ELOVL5: variants seen among roughly 807,000 people sequenced by gnomAD.
ELOVL5 encodes the protein ELOVL fatty acid elongase 5.
A neutral mutation model predicts 38.6 loss-of-function variants in ELOVL5; 8 were observed. The observed-to-expected ratio is 0.21, with a 90% CI of 0.12 to 0.37. The LOEUF is 0.37. ELOVL5 is among the 10% of genes least tolerant of loss of function. The probability of loss-of-function intolerance (pLI) is 1.00; values close to 1 mark genes in which losing one functional copy is unlikely to be tolerated. For missense variants in ELOVL5, 280 were observed against 367.8 expected (o/e 0.76, Z 1.95); for synonymous variants, 127 against 133.7 (o/e 0.95, Z 0.34).
intron 1 of ELOVL5, among the ~76,000 whole-genome samples, chr6:53,338,014 T>A (rs1420563993): frequency 1.3e-5 from 2 of 151,704 alleles, no homozygotes; most frequent in Non-Finnish European, 2.9e-5. Context: ...ACAGGGGAGG[T>A]ATGTGGGGCA....
rs541252877 is a variant in ELOVL5 at position 53,287,526 on chromosome 6, G to C, written c.246+4250C>G. 4.6e-5 allele frequency among the ~76,000 whole-genome samples: 7 copies of C among 152,262 alleles called. No individual in the cohort carries two copies. The East Asian group carries it at 1.4e-3, about 29-fold the overall frequency. ...TGAAAGGAATGCATCATAGTCCGTG[G>C]GAACAATGGGATAGCCAAAGAGGCT... On this transcript the variant is annotated intron_variant, in intron 3 of 7. Coordinates refer to ENST00000304434, the MANE Select transcript of ELOVL5 (RefSeq NM_021814.5).
chr6:53,299,829 C>A (rs1452918875), intron 1 of ELOVL5, among the ~76,000 whole-genome samples: 2 of 152,182 alleles, frequency 1.3e-5, no homozygotes, highest in Admixed American at 1.3e-4. Context: ...TACATCTGTT[C>A]TTAGACTGCA....
At chr6:53,291,509 CTTTAATT>C (rs1766773388) in intron 3 of ELOVL5, among the ~76,000 whole-genome samples, 1 of 152,156 alleles carries the variant, frequency 6.6e-6, no homozygotes, top group Non-Finnish European at 1.5e-5. Context: ...TCTGAAAATA[CTTTAATT>C]TTGAATATCA....
intron 1 of ELOVL5, among the ~76,000 whole-genome samples, chr6:53,298,816 T>G (rs764626628): frequency 7.3e-6 from 1 of 137,686 alleles, no homozygotes; most frequent in African/African-American, 2.8e-5. Flanking sequence ...ATCAGTGAGC[T>G]CCAATCATTC....
chr6:53,285,128 G>A (rs1007451670), intron 3 of ELOVL5, among the ~76,000 whole-genome samples: 18 of 152,198 alleles, frequency 1.2e-4, no homozygotes, highest in African/African-American at 4.1e-4. Context: ...AGGAAGGCAG[G>A]TGGAAAGCTG....
intron 3 of ELOVL5, among the ~76,000 whole-genome samples, chr6:53,284,791 C>A (rs1329535860): frequency 7.8e-6 from 1 of 127,592 alleles, no homozygotes; most frequent in Non-Finnish European, 1.6e-5. Flanking sequence ...CAAAATATTT[C>A]AAATTTTTTC....
intron 1 of ELOVL5, among the ~76,000 whole-genome samples, chr6:53,326,792 C>T (rs1392066221): frequency 6.6e-6 from 1 of 152,198 alleles, no homozygotes; most frequent in African/African-American, 2.4e-5. Context: ...TACGGTGACT[C>T]AGCCATACCG....
chr6:53,295,211 G>C (rs145526101), intron 2 of ELOVL5, among the ~76,000 whole-genome samples: 1 of 152,300 alleles, frequency 6.6e-6, no homozygotes, highest in East Asian at 1.9e-4. Context: ...GATACAGCAA[G>C]TAAGGTTCAG....
chr6:53,313,604 C>T (rs1767925834), intron 1 of ELOVL5, among the ~76,000 whole-genome samples: 1 of 152,138 alleles, frequency 6.6e-6, no homozygotes, highest in East Asian at 1.9e-4. Context: ...TCAAGCAATC[C>T]TCTCGCCTCA....
chr6:53,291,728 T>C lies in ELOVL5; in HGVS notation c.246+48A>G, dbSNP rs1436540419. On this transcript the variant is annotated intron_variant, in intron 3 of 7. Transcript: ENST00000304434. ...TTAGGAATACAATTTAGGACAGCAATATGAGTGCATTTATGTGAAAGGAAG... is the reference window on the plus strand; with the variant it reads ...TTAGGAATACAATTTAGGACAGCAACATGAGTGCATTTATGTGAAAGGAAG... The C allele has an allele frequency of 3.4e-6, 5 of 1,475,176 alleles. No homozygotes were observed. The African/African-American group carries it at 4.2e-5, about 12-fold the overall frequency. 91.4% of individuals were successfully genotyped at this position (1,475,176 alleles called of 1,614,324 possible).
At chr6:53,338,296 T>A (rs9349664) in intron 1 of ELOVL5, among the ~76,000 whole-genome samples, 55,522 of 152,086 alleles carry the variant, frequency 0.37, 11,298 homozygotes, top group African/African-American at 0.56. Flanking sequence ...TACTGTCACT[T>A]GTCACATCCA....
intron 1 of ELOVL5, among the ~76,000 whole-genome samples, chr6:53,301,835 G>C (rs1450255529): frequency 6.6e-6 from 1 of 152,110 alleles, no homozygotes; most frequent in African/African-American, 2.4e-5. Context: ...TGGTAACCAT[G>C]CAACTATATT....
chr6:53,322,266 G>A (rs982293426), intron 1 of ELOVL5, among the ~76,000 whole-genome samples: 1 of 152,190 alleles, frequency 6.6e-6, no homozygotes, highest in East Asian at 1.9e-4. Flanking sequence ...CTTTAAAAAA[G>A]CCAAATTTTT....
At chr6:53,286,579 C>CA (rs1316208163) in intron 3 of ELOVL5, among the ~76,000 whole-genome samples, 1 of 151,898 alleles carries the variant, frequency 6.6e-6, no homozygotes, top group Admixed American at 6.6e-5. Flanking sequence ...AAAACAACAA[C>CA]AAAAAACAAT....
chr6:53,270,489 GCCTGTCA>G, intron 7 of ELOVL5, 97 bp downstream of exon 7: 2 of 1,302,534 alleles, frequency 1.5e-6, no homozygotes, highest in African/African-American at 2.9e-5. Context: ...AGAGGCCAGA[GCCTGTCA>G]CCCAGCAAGG....
intron 5 of ELOVL5, 103 bp downstream of exon 5, chr6:53,274,987 C>G: frequency 3.5e-6 from 4 of 1,142,792 alleles, no homozygotes; most frequent in Non-Finnish European, 4.9e-6. Flanking sequence ...AGCTGAAAGC[C>G]TGACCTAGAC....
chr6:53,277,030 C>T (rs530866804), intron 3 of ELOVL5: 1 of 146,230 alleles, frequency 6.8e-6, no homozygotes, highest in East Asian at 2.1e-4. Flanking sequence ...CGGGCCCCTC[C>T]CCTCAATGGG....
intron 1 of ELOVL5, among the ~76,000 whole-genome samples, chr6:53,303,522 C>G (rs1259904069): frequency 1.3e-5 from 2 of 152,074 alleles, no homozygotes; most frequent in Non-Finnish European, 1.5e-5. Context: ...TTTTTCCTGC[C>G]ATATATCATA....
At chr6:53,344,024 T>G (rs989551409) in intron 1 of ELOVL5, among the ~76,000 whole-genome samples, 2 of 152,218 alleles carry the variant, frequency 1.3e-5, no homozygotes, top group Admixed American at 6.5e-5. Context: ...CCTGCAGTGA[T>G]TTTAAGATGC....
Sources: allele counts gnomAD v4.1 joint callset (sites outside exome capture counted in the v4.1 genomes callset), GRCh38; gene constraint gnomAD v4.1.1; transcripts MANE v1.5; gene names NCBI Gene and HGNC (gene_info 2026-07-23, HGNC 2026-07-21).